Variants in TENM2 observed in about 807,000 individuals in gnomAD.
The protein encoded by TENM2 is teneurin-2.
Under a neutral mutation model 245.2 loss-of-function variants are expected in TENM2, and 52 were observed. The observed-to-expected ratio is 0.21, with a 90% CI of 0.17 to 0.27. The LOEUF (loss-of-function observed/expected upper bound fraction) is 0.27, where lower values mean the gene tolerates loss of function less well. Ranked by LOEUF, TENM2 falls within the 10% of genes least tolerant of loss-of-function variation. The pLI is 1.00. For missense variants in TENM2, 3,046 were observed against 3,666.8 expected (o/e 0.83, Z 4.37); for synonymous variants, 1,363 against 1,438.9 (o/e 0.95, Z 1.19).
intron 19 of TENM2, among the ~76,000 whole-genome samples, chr5:168,208,393 A>G (rs1762534224): frequency 6.6e-6 from 1 of 152,198 alleles, no homozygotes. Context: ...CAAGGGCACC[A>G]ATCATTAGAG....
At chr5:167,876,359 T>G (rs1022143480) in intron 3 of TENM2, among the ~76,000 whole-genome samples, 164 bp downstream of exon 5, 1 of 152,206 alleles carries the variant, frequency 6.6e-6, no homozygotes, top group African/African-American at 2.4e-5. Context: ...TCAAGATACA[T>G]CTGTAGAAGG....
At chr5:167,922,559 C>T (rs1410569428) in intron 3 of TENM2, among the ~76,000 whole-genome samples, 1 of 152,242 alleles carries the variant, frequency 6.6e-6, no homozygotes, top group Non-Finnish European at 1.5e-5. Context: ...ATCTCACCTT[C>T]CTCTCTCTGT....
chr5:168,158,827 G>GTATA (rs1321504794), intron 12 of TENM2, among the ~76,000 whole-genome samples: 4 of 69,466 alleles, frequency 5.8e-5, no homozygotes, highest in African/African-American at 1.8e-4. Context: ...GTGTGTGTGT[G>GTATA]TGTATATATA....
chr5:167,591,080 T>A (rs371063773), intron 2 of TENM2, among the ~76,000 whole-genome samples: 2 of 152,160 alleles, frequency 1.3e-5, no homozygotes, highest in East Asian at 3.9e-4. Flanking sequence ...AGCAAGAGAG[T>A]TCTCATTGCT....
At chr5:167,723,464 G>A (rs1220971310) in intron 2 of TENM2, among the ~76,000 whole-genome samples, 1 of 152,162 alleles carries the variant, frequency 6.6e-6, no homozygotes, top group Non-Finnish European at 1.5e-5. Flanking sequence ...ACCGCCAGAG[G>A]GCGCCTGACA....
At chr5:167,784,137 T>TTGCTGC (rs1764400911) in intron 2 of TENM2, among the ~76,000 whole-genome samples, 1 of 152,212 alleles carries the variant, frequency 6.6e-6, no homozygotes, top group African/African-American at 2.4e-5. Flanking sequence ...GCAACAGTTG[T>TTGCTGC]AAGCATGGGT....
chr5:168,240,538 A>C (rs1765989352), intron 25 of TENM2, among the ~76,000 whole-genome samples: 1 of 152,176 alleles, frequency 6.6e-6, no homozygotes, highest in Admixed American at 6.5e-5. Flanking sequence ...GTTGTTGTGT[A>C]AATTAGACAA....
At chr5:167,524,755 A>G (rs1357321240) in intron 2 of TENM2, among the ~76,000 whole-genome samples, 2 of 151,878 alleles carry the variant, frequency 1.3e-5, no homozygotes, top group African/African-American at 4.8e-5. Flanking sequence ...TGGGAACCCC[A>G]GGTCATTGCT....
At chr5:167,172,742 C>G in the TENM2 span, among the ~76,000 whole-genome samples, 1 of 151,548 alleles carries the variant, frequency 6.6e-6, no homozygotes, top group African/African-American at 2.4e-5. Flanking sequence ...TTCCAAGTAG[C>G]CAGCACGATA....
chr5:167,900,111 T>TAA (rs71853736), intron 3 of TENM2, among the ~76,000 whole-genome samples: 825 of 43,370 alleles, frequency 0.019, 54 homozygotes, highest in African/African-American at 0.058. Flanking sequence ...CTCAACCCAC[T>TAA]AAAAAAAAAA....
At chr5:167,175,837 GT>G in the TENM2 span, among the ~76,000 whole-genome samples, 4 of 152,204 alleles carry the variant, frequency 2.6e-5, no homozygotes, top group Non-Finnish European at 5.9e-5. Context: ...AGCCCCCCGA[GT>G]AGCTGGGATT....
intron 2 of TENM2, 105 bp downstream of exon 4, chr5:167,375,578 T>C: frequency 1.6e-6 from 2 of 1,247,080 alleles, no homozygotes; most frequent in Non-Finnish European, 2.2e-6. Context: ...ACCATTCATT[T>C]TCTTTGAAAT....
At chr5:167,975,312 A>G (rs969854931) in intron 4 of TENM2, among the ~76,000 whole-genome samples, 5 of 152,218 alleles carry the variant, frequency 3.3e-5, no homozygotes, top group Admixed American at 2.0e-4. Flanking sequence ...GGAAGCTTTC[A>G]AGGAAGCCCA....
At chr5:167,452,950 T>TATATATATATTTTTTTTTTAA (rs1554157769) in intron 2 of TENM2, among the ~76,000 whole-genome samples, 2 of 99,630 alleles carry the variant, frequency 2.0e-5, no homozygotes, top group Admixed American at 1.2e-4. Flanking sequence ...TATATATATA[T>TATATATATATTTTTTTTTTAA]ATATATATAT....
At chr5:167,239,334 C>T in the TENM2 span, among the ~76,000 whole-genome samples, 1 of 152,218 alleles carries the variant, frequency 6.6e-6, no homozygotes, top group South Asian at 2.1e-4. Flanking sequence ...AAGAATCACA[C>T]TTCCAACTCC....
chr5:168,204,288 CTCT>C lies in TENM2; in HGVS notation c.3575-81_3575-79del. ...CGAGCACTGAAGATTCCTAATTTGTCTCTTCCCCTCCCTCCCAGTTGGCCAATA... is the reference window on the plus strand; with the variant it reads ...CGAGCACTGAAGATTCCTAATTTGTCTCCCCTCCCTCCCAGTTGGCCAATA... On this transcript the variant is annotated intron_variant, in intron 18 of 28. Coordinates refer to ENST00000518659, the Ensembl canonical transcript of TENM2. 5.0e-6 allele frequency: 7 copies of C among 1,399,872 alleles called. No individual in the cohort carries two copies. The South Asian group carries it at 9.8e-5, about 20-fold the overall frequency. The allele number at this position is 1,399,872 out of a possible 1,614,324, so 86.7% of individuals were successfully genotyped here.
chr5:167,572,403 A>C (rs1051988955), intron 2 of TENM2, among the ~76,000 whole-genome samples: 1 of 152,094 alleles, frequency 6.6e-6, no homozygotes, highest in Non-Finnish European at 1.5e-5. Flanking sequence ...TCTATTTTTT[A>C]TGTTTCTAAA....
At chr5:167,175,272 C>A in the TENM2 span, among the ~76,000 whole-genome samples, 1,198 of 152,256 alleles carry the variant, frequency 7.9e-3, 4 homozygotes, top group Non-Finnish European at 0.013. Context: ...AAAATATGCC[C>A]TGAGATATGT....
intron 1 of TENM2, among the ~76,000 whole-genome samples, chr5:167,334,451 A>G (rs1040439010): frequency 6.6e-6 from 1 of 152,212 alleles, no homozygotes; most frequent in African/African-American, 2.4e-5. Context: ...ATTAAGTAAC[A>G]TCGACACTAG....
Sources: gnomAD v4.1 joint callset for allele counts (sites outside exome capture counted in the v4.1 genomes callset) on GRCh38, gnomAD v4.1.1 for gene constraint, MANE v1.5 for transcripts, NCBI Gene and HGNC (gene_info 2026-07-23, HGNC 2026-07-21) for gene names.